Variants in PTPRN2 observed in about 807,000 individuals in gnomAD.
PTPRN2 encodes the protein protein tyrosine phosphatase receptor type N2, also known as receptor-type tyrosine-protein phosphatase N2.
A neutral mutation model predicts 118.8 loss-of-function variants in PTPRN2; 74 were observed. The observed-to-expected ratio is 0.62, with a 90% CI of 0.52 to 0.76. The LOEUF (loss-of-function observed/expected upper bound fraction) is 0.76, where lower values mean the gene tolerates loss of function less well. Among genes scored for constraint, PTPRN2 ranks in the 30% least tolerant of loss-of-function variants. The probability of loss-of-function intolerance (pLI) is 0.00; values close to 1 mark genes in which losing one functional copy is unlikely to be tolerated. For synonymous variants in PTPRN2, 641 were observed against 608.0 expected, an observed-to-expected ratio of 1.05 and a Z score of -0.80; for missense variants, 1,481 against 1,394.4, an observed-to-expected ratio of 1.06 and a Z score of -0.99.
chr7:157,741,052 G>T (rs1259719473), intron 12 of PTPRN2, among the ~76,000 whole-genome samples: 1 of 152,180 alleles, frequency 6.6e-6, no homozygotes, highest in Non-Finnish European at 1.5e-5. Context: ...AACAAGGGAA[G>T]GGGGGAGATG....
At chr7:158,155,499 T>TCATCACCACCATCATCATCGCCAA (rs1821640457) in intron 6 of PTPRN2, among the ~76,000 whole-genome samples, 2 of 86,808 alleles carry the variant, frequency 2.3e-5, no homozygotes, top group Non-Finnish European at 2.4e-5. Flanking sequence ...ACCATCACCA[T>TCATCACCACCATCATCATCGCCAA]CATCACCAAT....
rs1328437231 is a variant in PTPRN2, at chr7:157,610,461, G to C, written c.2345-6386C>G. On this transcript the variant is annotated intron_variant, in intron 15 of 22. Coordinates refer to ENST00000389418, the MANE Select transcript of PTPRN2 (RefSeq NM_002847.5). This position sits in a 1 kb window ranked among gnomAD's most constrained non-coding sequence, Gnocchi z 5.1. The stretch of plus-strand genomic sequence containing the variant: ...TAGAGGGAGTCCTGACTCCAGCAGA[G>C]AACATGTTCCGGGATGTGCTCCACA... Among the ~76,000 whole-genome samples the C allele has an allele frequency of 1.3e-5, 2 of 152,190 alleles. No individual in the cohort carries two copies. The highest frequency in any genetic ancestry group is 2.9e-5 in the Non-Finnish European group (2 of 68,032).
chr7:158,545,307 A>G (rs118017970), intron 1 of PTPRN2, among the ~76,000 whole-genome samples: 3,308 of 152,328 alleles, frequency 0.022, 62 homozygotes, highest in Middle Eastern at 0.037. Flanking sequence ...CCTCCAAATG[A>G]GAACGTCACA....
chr7:158,371,348 A>G (rs1809980974), intron 2 of PTPRN2, among the ~76,000 whole-genome samples: 1 of 152,130 alleles, frequency 6.6e-6, no homozygotes, highest in African/African-American at 2.4e-5. Context: ...AAAAAAAAAA[A>G]AGATTAATTT....
intron 6 of PTPRN2, among the ~76,000 whole-genome samples, chr7:158,156,917 C>T (rs1188406233): frequency 6.6e-6 from 1 of 152,080 alleles, no homozygotes; most frequent in African/African-American, 2.4e-5. Flanking sequence ...CTCTGGAAGG[C>T]CTCCCCATTG....
chr7:157,827,640 G>A (rs185462878), intron 12 of PTPRN2, among the ~76,000 whole-genome samples: 16 of 152,332 alleles, frequency 1.1e-4, no homozygotes, highest in South Asian at 4.1e-4. Flanking sequence ...GGACCCCTCC[G>A]GCATTTGGGG....
At chr7:157,937,764 T>C (rs952794812) in intron 11 of PTPRN2, among the ~76,000 whole-genome samples, 1 of 152,236 alleles carries the variant, frequency 6.6e-6, no homozygotes, top group Non-Finnish European at 1.5e-5. Context: ...AATGGATTCA[T>C]ATTTACAAAG....
intron 2 of PTPRN2, among the ~76,000 whole-genome samples, chr7:158,371,889 A>C (rs144003474): frequency 6.6e-6 from 1 of 152,190 alleles, no homozygotes; most frequent in African/African-American, 2.4e-5. Flanking sequence ...ATATAAACCC[A>C]TGGATGTAAT....
chr7:158,314,791 G>C (rs889182268), intron 3 of PTPRN2, among the ~76,000 whole-genome samples: 1 of 152,290 alleles, frequency 6.6e-6, no homozygotes, highest in African/African-American at 2.4e-5. Context: ...CCACCCAAAA[G>C]CAGACACGTG....
intron 6 of PTPRN2, among the ~76,000 whole-genome samples, chr7:158,155,182 A>G (rs1422146438): frequency 6.6e-6 from 1 of 152,234 alleles, no homozygotes; most frequent in Non-Finnish European, 1.5e-5. Context: ...AGATCAGCTC[A>G]CATGACTCTG....
At chr7:158,418,103 G>A (rs866456760) in intron 2 of PTPRN2, among the ~76,000 whole-genome samples, 46 of 146,488 alleles carry the variant, frequency 3.1e-4, no homozygotes, top group African/African-American at 8.4e-4. Context: ...GTTAAGTCAC[G>A]GTGTACTACA....
intron 12 of PTPRN2, among the ~76,000 whole-genome samples, chr7:157,838,995 C>T (rs1010574537): frequency 2.0e-5 from 3 of 148,140 alleles, no homozygotes. Flanking sequence ...AAGCTCCTCT[C>T]CACCGTGGCT....
At chr7:158,281,366 C>T (rs1043870260) in intron 3 of PTPRN2, among the ~76,000 whole-genome samples, 1 of 152,244 alleles carries the variant, frequency 6.6e-6, no homozygotes, top group African/African-American at 2.4e-5. Flanking sequence ...GAGTCATACA[C>T]ATACTCCTAA....
At position 158,015,971 on chromosome 7, in the gene PTPRN2, A is replaced by T. The variant is rs1806423625; in HGVS notation, c.1723+65327T>A. ...GTGGCAGGGACGGCTGTGGGGTCCC[A>T]GTGTGTCACCTGCGTGGCCTTTTCA... On this transcript the variant is annotated intron_variant, in intron 11 of 22. Coordinates refer to ENST00000389418, the MANE Select transcript of PTPRN2 (RefSeq NM_002847.5). This position sits in a 1 kb window ranked among gnomAD's most constrained non-coding sequence, Gnocchi z 4.2. Among the ~76,000 whole-genome samples the T allele has an allele frequency of 6.6e-6, 1 of 152,138 alleles. No individual in the cohort carries two copies. Among genetic ancestry groups the T allele is most frequent in the Non-Finnish European group, 1.5e-5 (1 of 68,026 alleles).
At chr7:157,925,398 C>A (rs907145001) in intron 11 of PTPRN2, among the ~76,000 whole-genome samples, 7 of 152,190 alleles carry the variant, frequency 4.6e-5, no homozygotes, top group African/African-American at 1.7e-4. Flanking sequence ...AGGTTAAATC[C>A]CCTCCAGAAT....
At chr7:157,605,898 C>T (rs1250833425) in intron 15 of PTPRN2, among the ~76,000 whole-genome samples, 2 of 152,236 alleles carry the variant, frequency 1.3e-5, no homozygotes, top group Non-Finnish European at 2.9e-5. Context: ...CAGCCCAGCC[C>T]CCAGCCTTCA....
chr7:158,345,983 C>A (rs1363231484), intron 2 of PTPRN2, among the ~76,000 whole-genome samples: 1 of 152,186 alleles, frequency 6.6e-6, no homozygotes, highest in Non-Finnish European at 1.5e-5. Context: ...TCACCTCCCA[C>A]CAGGTCCCTC....
intron 12 of PTPRN2, among the ~76,000 whole-genome samples, chr7:157,898,383 C>T (rs1797252324): frequency 6.6e-6 from 1 of 152,208 alleles, no homozygotes; most frequent in Non-Finnish European, 1.5e-5. Context: ...AGGAAGGAAG[C>T]ACCTATTTTC....
At chr7:158,494,856 A>G (rs1439332782) in intron 1 of PTPRN2, among the ~76,000 whole-genome samples, 1 of 152,174 alleles carries the variant, frequency 6.6e-6, no homozygotes, top group Non-Finnish European at 1.5e-5. Context: ...GGTACAAGGA[A>G]CACACACAGA....
Sources: allele counts gnomAD v4.1 joint callset (sites outside exome capture counted in the v4.1 genomes callset), GRCh38; gene constraint gnomAD v4.1.1; non-coding constraint Gnocchi (gnomAD v3.1); transcripts MANE v1.5; gene names NCBI Gene and HGNC (gene_info 2026-07-23, HGNC 2026-07-21).